Variants in TMEFF2 observed in about 807,000 individuals in gnomAD.
The protein encoded by TMEFF2 is tomoregulin-2.
A neutral mutation model predicts 53.8 loss-of-function variants in TMEFF2; 28 were observed. That is an observed-to-expected ratio of 0.52 (90% CI 0.39 to 0.71). The LOEUF (loss-of-function observed/expected upper bound fraction) is 0.71, where lower values mean the gene tolerates loss of function less well. Ranked by LOEUF, TMEFF2 falls within the 30% of genes least tolerant of loss-of-function variation. The probability of loss-of-function intolerance (pLI) is 0.00; values close to 1 mark genes in which losing one functional copy is unlikely to be tolerated. For synonymous variants in TMEFF2, 162 were observed against 166.3 expected (o/e 0.97, Z 0.20); for missense variants, 353 against 455.2 (o/e 0.78, Z 2.04).
intron 4 of TMEFF2, among the ~76,000 whole-genome samples, chr2:192,159,812 C>G (rs1574423792): frequency 6.6e-6 from 1 of 152,208 alleles, no homozygotes; most frequent in African/African-American, 2.4e-5. Context: ...GTTGCAGAAC[C>G]TGAATAGGGG....
intron 4 of TMEFF2, among the ~76,000 whole-genome samples, chr2:192,152,332 A>G (rs1227316551): frequency 6.6e-6 from 1 of 151,954 alleles, no homozygotes; most frequent in African/African-American, 2.4e-5. Context: ...CAATTCACCA[A>G]ATCAGAGATT....
chr2:191,971,471 C>T (rs988951644), intron 7 of TMEFF2, among the ~76,000 whole-genome samples: 20 of 152,088 alleles, frequency 1.3e-4, no homozygotes, highest in African/African-American at 3.1e-4. Context: ...GAGTTGGGAG[C>T]GAAATATGAC....
At chr2:192,043,611 G>C (rs1687539258) in intron 5 of TMEFF2, 1 of 152,228 alleles carries the variant, frequency 6.6e-6, no homozygotes, top group African/African-American at 2.4e-5. Context: ...CCATCTCACA[G>C]TGGATCCAGT....
At position 192,184,354 on chromosome 2, in the gene TMEFF2, C is replaced by A. The variant is rs1268766651; in HGVS notation, c.412G>T (p.Asp138Tyr). Reference protein sequence around the residue: ...LVVSEGSCATDAGSGSGDGVH... With the variant: ...LVVSEGSCATYAGSGSGDGVH... Reference sequence around the variant, plus strand: ...GTTTCAAAGAAGATCACACACATACCTGTGGCACATGATCCTTCTGACACC... The same window carrying A: ...GTTTCAAAGAAGATCACACACATACATGTGGCACATGATCCTTCTGACACC... Residue 138 changes from aspartate (D) to tyrosine (Y), a missense_variant and splice_region_variant, in exon 3 of 10, where the codon GAT becomes TAT. Coordinates refer to ENST00000272771, the MANE Select transcript of TMEFF2 (RefSeq NM_016192.4). 1 of 1,612,976 alleles carries A rather than the reference C, an allele frequency of 6.2e-7. No homozygotes were observed. The highest frequency in any genetic ancestry group is 8.5e-7 in the Non-Finnish European group (1 of 1,179,280).
intron 4 of TMEFF2, among the ~76,000 whole-genome samples, chr2:192,155,276 A>G (rs542987778): frequency 5.9e-5 from 9 of 152,134 alleles, no homozygotes; most frequent in Non-Finnish European, 1.2e-4. Flanking sequence ...ATTTAGTTTC[A>G]TTAACTAAAG....
chr2:191,997,407 A>G (rs1173205726), intron 7 of TMEFF2, among the ~76,000 whole-genome samples: 7 of 151,842 alleles, frequency 4.6e-5, no homozygotes, highest in Non-Finnish European at 8.8e-5. Context: ...TTTCAGAAAG[A>G]AAGAATAGAT....
chr2:192,062,975 T>G (rs1209147337), intron 4 of TMEFF2, among the ~76,000 whole-genome samples: 5 of 151,768 alleles, frequency 3.3e-5, no homozygotes, highest in Non-Finnish European at 5.9e-5. Flanking sequence ...AGTGTTTTTT[T>G]TTTTTGTTGT....
chr2:192,147,026 C>T (rs560473190), intron 4 of TMEFF2, among the ~76,000 whole-genome samples: 17 of 152,214 alleles, frequency 1.1e-4, no homozygotes, highest in African/African-American at 3.9e-4. Flanking sequence ...AATTAAAATA[C>T]TCAGTCTATA....
At chr2:192,127,512 A>AT (rs1249410737) in intron 4 of TMEFF2, among the ~76,000 whole-genome samples, 1 of 152,144 alleles carries the variant, frequency 6.6e-6, no homozygotes, top group Non-Finnish European at 1.5e-5. Flanking sequence ...CAATGTAGCT[A>AT]TTTTTTGTTC....
rs55800219 is a variant in TMEFF2 at position 192,069,988 on chromosome 2, GTATATATATATATATA to G, written c.440-12229_440-12214del. ...AATGTGTGTGTGTGTGTGTGTGTGT[GTATATATATATATATA>G]TATATATATATATATATATATATAT... On this transcript the variant is annotated intron_variant, in intron 4 of 9. Transcript: ENST00000272771. 5.8e-3 allele frequency among the ~76,000 whole-genome samples: 688 copies of G among 118,696 alleles called. 6 individuals carry two copies. The highest frequency in any genetic ancestry group is 0.018 in the African/African-American group (536 of 29,738). The allele number at this position is 118,696 out of a possible 152,430, so 77.9% of individuals were successfully genotyped here. A position where few individuals can be genotyped will look rare whatever the true frequency, so the allele number is the denominator to read the frequency against.
chr2:192,098,528 A>G (rs1219050062), intron 4 of TMEFF2, among the ~76,000 whole-genome samples: 1 of 152,194 alleles, frequency 6.6e-6, no homozygotes, highest in Non-Finnish European at 1.5e-5. Flanking sequence ...AGTGAGATTT[A>G]CGAATAAGGG....
At chr2:192,143,822 ACT>A (rs768813683) in intron 4 of TMEFF2, among the ~76,000 whole-genome samples, 7 of 151,948 alleles carry the variant, frequency 4.6e-5, no homozygotes, top group Non-Finnish European at 1.0e-4. Flanking sequence ...TAAGACCTAT[ACT>A]CTCTTCTCAG....
intron 5 of TMEFF2, among the ~76,000 whole-genome samples, chr2:192,041,936 G>T (rs1054364512): frequency 1.3e-5 from 2 of 152,110 alleles, no homozygotes; most frequent in African/African-American, 4.8e-5. Context: ...TCGGCCAGGT[G>T]CGGTGGCTCA....
chr2:191,977,464 G>A (rs1431178046), intron 7 of TMEFF2, among the ~76,000 whole-genome samples: 1 of 152,156 alleles, frequency 6.6e-6, no homozygotes, highest in East Asian at 1.9e-4. Flanking sequence ...TTTTTTTAAA[G>A]GCTTGCATAG....
intron 7 of TMEFF2, among the ~76,000 whole-genome samples, chr2:191,961,676 T>C (rs1353611347): frequency 6.6e-6 from 1 of 152,114 alleles, no homozygotes; most frequent in African/African-American, 2.4e-5. Flanking sequence ...TTGGTTAGAG[T>C]TGGTTTCAAA....
intron 7 of TMEFF2, among the ~76,000 whole-genome samples, 170 bp downstream of exon 7, chr2:191,998,092 C>T: frequency 6.6e-6 from 1 of 151,866 alleles, no homozygotes; most frequent in East Asian, 1.9e-4. Context: ...GTCTTCTTTG[C>T]TTCAACAAAA....
At chr2:192,134,192 C>T (rs993784307) in intron 4 of TMEFF2, among the ~76,000 whole-genome samples, 1 of 152,170 alleles carries the variant, frequency 6.6e-6, no homozygotes, top group Non-Finnish European at 1.5e-5. Flanking sequence ...ACTTTCTGCT[C>T]CCTGGCTCCT....
intron 5 of TMEFF2, among the ~76,000 whole-genome samples, chr2:192,050,732 C>CT (rs1200053434): frequency 6.6e-6 from 1 of 152,122 alleles, no homozygotes; most frequent in Non-Finnish European, 1.5e-5. Flanking sequence ...AATTCCTAGT[C>CT]TTTTACTTCT....
intron 4 of TMEFF2, among the ~76,000 whole-genome samples, chr2:192,134,961 C>T (rs892922093): frequency 1.3e-5 from 2 of 152,192 alleles, no homozygotes; most frequent in African/African-American, 2.4e-5. Context: ...CTGGACAATA[C>T]TTTTACCACT....
Sources: allele counts gnomAD v4.1 joint callset (sites outside exome capture counted in the v4.1 genomes callset), GRCh38; gene constraint gnomAD v4.1.1; transcripts MANE v1.5; gene names NCBI Gene and HGNC (gene_info 2026-07-23, HGNC 2026-07-21).